BCAS3: variants seen among roughly 807,000 people sequenced by gnomAD.
The protein encoded by BCAS3 is BCAS4/BCAS3 fusion.
BCAS3 carries 53 observed loss-of-function variants against 116.1 expected under a neutral mutation model. The ratio of observed to expected loss-of-function variants is 0.46; its 90% confidence interval spans 0.37 to 0.57. The LOEUF is 0.57. BCAS3 is among the 20% of genes least tolerant of loss of function. BCAS3 has a pLI of 0.00. For synonymous variants in BCAS3, 391 were observed against 408.2 expected (o/e 0.96, Z 0.51); for missense variants, 917 against 1,165.4 (o/e 0.79, Z 3.10).
intron 22 of BCAS3, among the ~76,000 whole-genome samples, chr17:61,322,494 C>T (rs577680878): frequency 2.6e-5 from 4 of 152,366 alleles, no homozygotes; most frequent in African/African-American, 9.6e-5. Context: ...GAGATTGTAA[C>T]TCAGCCACTA....
chr17:61,259,289 T>C lies in BCAS3; in HGVS notation c.2426-109038T>C, dbSNP rs2049017354. Among the ~76,000 whole-genome samples, 1 of 151,944 alleles carries C rather than the reference T, an allele frequency of 6.6e-6. No homozygotes were observed. The highest frequency in any genetic ancestry group is 2.4e-5 in the African/African-American group (1 of 41,358). On this transcript the variant is annotated intron_variant, in intron 22 of 23. Transcript: ENST00000407086. This position sits in a 1 kb window ranked among gnomAD's most constrained non-coding sequence, Gnocchi z 4.7. ...AGAACTAATCTGTGTTGATCTGTCTTCTTCTTGAGGGCACACAGAATTTGA... is the reference window on the plus strand; with the variant it reads ...AGAACTAATCTGTGTTGATCTGTCTCCTTCTTGAGGGCACACAGAATTTGA...
intron 12 of BCAS3, among the ~76,000 whole-genome samples, chr17:60,921,750 C>G (rs1262346826): frequency 1.3e-5 from 2 of 151,630 alleles, no homozygotes; most frequent in African/African-American, 4.8e-5. Flanking sequence ...TGCTCACTAC[C>G]TGGGTGCAAT....
intron 22 of BCAS3, among the ~76,000 whole-genome samples, chr17:61,192,611 T>C (rs1034039850): frequency 1.3e-5 from 2 of 152,184 alleles, no homozygotes; most frequent in Non-Finnish European, 2.9e-5. Flanking sequence ...AAAAAAGATA[T>C]TATTTTTAAT....
intron 14 of BCAS3, among the ~76,000 whole-genome samples, chr17:60,979,749 A>G (rs1406067936): frequency 6.6e-6 from 1 of 152,146 alleles, no homozygotes; most frequent in Non-Finnish European, 1.5e-5. Flanking sequence ...ATCTATTGAG[A>G]TAATCACGTG....
chr17:60,792,554 G>C (rs1413810698), intron 6 of BCAS3, among the ~76,000 whole-genome samples: 1 of 152,228 alleles, frequency 6.6e-6, no homozygotes, highest in Non-Finnish European at 1.5e-5. Flanking sequence ...CTGGCGAAGT[G>C]ACACTTCAAG....
rs2054762602 is a variant in BCAS3 at position 61,316,617 on chromosome 17, TGATAAAATAAAGGAAA to T, written c.2426-51708_2426-51693del. ...CTCAGAGGGGCCTGCAGCTGGTATC[TGATAAAATAAAGGAAA>T]GGTTAGAGGGAGGGAGAGAGGGAAG... On this transcript the variant is annotated intron_variant, in intron 22 of 23. Transcript: ENST00000407086. The surrounding 1 kb of genome is among the most constrained non-coding windows in gnomAD (Gnocchi z 5.8). Among the ~76,000 whole-genome samples the T allele has an allele frequency of 6.6e-6, 1 of 151,938 alleles. No individual in the cohort carries two copies.
chr17:61,045,037 A>AATCTT lies in BCAS3; in HGVS notation c.2029+4145_2029+4146insATCTT, dbSNP rs1193038092. Reference sequence around the variant, plus strand: ...CTGCCTCCCAAAGTGCTGGAATTACAGGCATGAGCCACTGTGCCCAGCATA... The same window carrying AATCTT: ...CTGCCTCCCAAAGTGCTGGAATTACAATCTTGGCATGAGCCACTGTGCCCAGCATA... On this transcript the variant is annotated intron_variant, in intron 19 of 23. Coordinates refer to ENST00000407086, the MANE Select transcript of BCAS3 (RefSeq NM_017679.5). 9.8e-4 allele frequency among the ~76,000 whole-genome samples: 149 copies of AATCTT among 152,148 alleles called. 1 individual carries two copies. Among genetic ancestry groups the AATCTT allele is most frequent in the African/African-American group, 3.4e-3 (141 of 41,552 alleles).
Position 60,990,669 on chromosome 17 carries a change from C to T in BCAS3, c.1486+434C>T, listed in dbSNP as rs896888037. On this transcript the variant is annotated intron_variant, in intron 15 of 23. Coordinates refer to ENST00000407086, the MANE Select transcript of BCAS3 (RefSeq NM_017679.5). The surrounding 1 kb of genome is among the most constrained non-coding windows in gnomAD (Gnocchi z 5.1). ...CATTTGCTTTTTTTTTTTTTTGAGACGGAGTCTTGCACTGTAGCCTGGGCT... is the reference window on the plus strand; with the variant it reads ...CATTTGCTTTTTTTTTTTTTTGAGATGGAGTCTTGCACTGTAGCCTGGGCT... Among the ~76,000 whole-genome samples, 5 of 148,098 alleles carry T rather than the reference C, an allele frequency of 3.4e-5. No homozygotes were observed. The highest frequency in any genetic ancestry group is 5.0e-5 in the African/African-American group (2 of 40,018).
intron 5 of BCAS3, among the ~76,000 whole-genome samples, chr17:60,728,825 A>G (rs1186139869): frequency 2.0e-5 from 3 of 152,128 alleles, no homozygotes; most frequent in Non-Finnish European, 4.4e-5. Flanking sequence ...GAAATGCACA[A>G]ATCTCAGGTC....
chr17:60,722,770 A>C lies in BCAS3; in HGVS notation c.321+13445A>C, dbSNP rs562330390. ...GCGAGACTCTGTCTCAAAAAAAAAAAAAAAAATGCTTTTTAGGCTGGGCAC... is the reference window on the plus strand; with the variant it reads ...GCGAGACTCTGTCTCAAAAAAAAAACAAAAAATGCTTTTTAGGCTGGGCAC... On this transcript the variant is annotated intron_variant, in intron 5 of 23. Transcript: ENST00000407086. Among the ~76,000 whole-genome samples the C allele has an allele frequency of 1.1e-3, 160 of 151,912 alleles. 1 individual carries two copies. Among genetic ancestry groups the C allele is most frequent in the Admixed American group, 2.7e-3 (41 of 15,236 alleles).
At position 61,044,446 on chromosome 17, in the gene BCAS3, C is replaced by CAAAAAAAAA. The variant is rs1223902392; in HGVS notation, c.2029+3566_2029+3574dup. ...TGGGTGACAGAGCGTGACTCTGTCT[C>CAAAAAAAAA]AAAAAAAAAAAAAAAAAAAATATAT... On this transcript the variant is annotated intron_variant, in intron 19 of 23. Transcript: ENST00000407086. Among the ~76,000 whole-genome samples, 28 of 82,822 alleles carry CAAAAAAAAA rather than the reference C, an allele frequency of 3.4e-4. 1 individual carries two copies. The highest frequency in any genetic ancestry group is 1.3e-3 in the African/African-American group (20 of 15,538). 54.3% of individuals were successfully genotyped at this position (82,822 alleles called of 152,430 possible). A position where few individuals can be genotyped will look rare whatever the true frequency, so the allele number is the denominator to read the frequency against.
intron 22 of BCAS3, among the ~76,000 whole-genome samples, chr17:61,121,563 A>G (rs2075790363): frequency 1.3e-5 from 2 of 152,236 alleles, no homozygotes; most frequent in South Asian, 2.1e-4. Flanking sequence ...GATTTATACA[A>G]CTTTATGGTA....
chr17:61,335,925 G>C (rs553722144), intron 22 of BCAS3, among the ~76,000 whole-genome samples: 1 of 152,374 alleles, frequency 6.6e-6, no homozygotes, highest in South Asian at 2.1e-4. Flanking sequence ...TAGCAGCTGT[G>C]GCTGCCTGCC....
intron 13 of BCAS3, among the ~76,000 whole-genome samples, chr17:60,937,469 A>T (rs898463560): frequency 6.6e-6 from 1 of 152,126 alleles, no homozygotes; most frequent in Admixed American, 6.5e-5. Flanking sequence ...TAACTTACGT[A>T]ATATAAGTTG....
intron 22 of BCAS3, among the ~76,000 whole-genome samples, chr17:61,280,323 A>G (rs1222403204): frequency 6.6e-6 from 1 of 152,234 alleles, no homozygotes; most frequent in Non-Finnish European, 1.5e-5. Context: ...TCTTTGTGAT[A>G]GATACAGACA....
chr17:61,057,658 G>A (rs2143264484), intron 19 of BCAS3, among the ~76,000 whole-genome samples: 1 of 151,040 alleles, frequency 6.6e-6, no homozygotes, highest in African/African-American at 2.4e-5. Context: ...CTGAAGTCAA[G>A]GTCTTTGTCT....
At chr17:60,952,860 T>G (rs1186295354) in intron 14 of BCAS3, among the ~76,000 whole-genome samples, 1 of 152,094 alleles carries the variant, frequency 6.6e-6, no homozygotes, top group East Asian at 1.9e-4. Flanking sequence ...AGTGAGAACA[T>G]GCAGTATTTG....
Position 61,128,605 on chromosome 17 carries a change from GA to G in BCAS3, c.2425+44044del. 11 of 984,704 alleles carry G rather than the reference GA, an allele frequency of 1.1e-5. No individual in the cohort carries two copies. The highest frequency in any genetic ancestry group is 1.3e-5 in the Non-Finnish European group (11 of 829,284). 61.0% of individuals were successfully genotyped at this position (984,704 alleles called of 1,614,324 possible). A position where few individuals can be genotyped will look rare whatever the true frequency, so the allele number is the denominator to read the frequency against. On this transcript the variant is annotated intron_variant, in intron 22 of 23. Coordinates refer to ENST00000407086, the MANE Select transcript of BCAS3 (RefSeq NM_017679.5). The surrounding 1 kb of genome is among the most constrained non-coding windows in gnomAD (Gnocchi z 4.1). ...AAAATAAAAAAAGTATGGAGAGAGA[GA>G]AAGCAAGTAACCCAGCAGAGTTTGT...
rs1157312881 is a variant in BCAS3, at chr17:61,073,290, A to T, written c.2030-1630A>T. Among the ~76,000 whole-genome samples, 2 of 152,200 alleles carry T rather than the reference A, an allele frequency of 1.3e-5. No individual in the cohort carries two copies. Among genetic ancestry groups the T allele is most frequent in the Non-Finnish European group, 2.9e-5 (2 of 68,034 alleles). ...GAAGAACTAGCAGCTAAAAGTTTTG[A>T]TTACTGCAGATCTTACACTTTAATA... On this transcript the variant is annotated intron_variant, in intron 19 of 23. Transcript: ENST00000407086. This position sits in a 1 kb window ranked among gnomAD's most constrained non-coding sequence, Gnocchi z 4.6.
Sources: allele counts gnomAD v4.1 joint callset (sites outside exome capture counted in the v4.1 genomes callset), GRCh38; gene constraint gnomAD v4.1.1; non-coding constraint Gnocchi (gnomAD v3.1); transcripts MANE v1.5; gene names NCBI Gene and HGNC (gene_info 2026-07-23, HGNC 2026-07-21).